EML1: variants seen among roughly 807,000 people sequenced by gnomAD.
The protein encoded by EML1 is echinoderm microtubule-associated protein-like 1.
Under a neutral mutation model 110.4 loss-of-function variants are expected in EML1, and 27 were observed. The ratio of observed to expected loss-of-function variants is 0.24; its 90% confidence interval spans 0.18 to 0.34. EML1 has a LOEUF of 0.34. EML1 is among the 10% of genes least tolerant of loss of function. The pLI is 1.00. For missense variants in EML1, 741 were observed against 1,030.9 expected (o/e 0.72, Z 3.85); for synonymous variants, 344 against 385.8 (o/e 0.89, Z 1.27).
chr14:99,917,920 A>G, intron 16 of EML1, 71 bp downstream of exon 16: 1 of 1,494,290 alleles, frequency 6.7e-7, no homozygotes, highest in African/African-American at 1.4e-5. Context: ...CTATTTCCCC[A>G]GGAACAGGCC....
rs966127668 is a variant in EML1, at chr14:99,941,304, ATTAAGATT to A, written c.*1195_*1202del. 2.0e-5 allele frequency: 3 copies of A among 152,252 alleles called. No individual in the cohort carries two copies. The highest frequency in any genetic ancestry group is 4.4e-5 in the Non-Finnish European group (3 of 68,036). 9.4% of individuals were successfully genotyped at this position (152,252 alleles called of 1,614,324 possible). ...GTAATAAACAGACTTTAAAGCAAATATTAAGATTTTTACTCATTCAAGGCAAGTAAATG... is the reference window on the plus strand; with the variant it reads ...GTAATAAACAGACTTTAAAGCAAATATTTACTCATTCAAGGCAAGTAAATG... On this transcript the variant is annotated 3_prime_UTR_variant, in exon 22 of 22. Coordinates refer to ENST00000262233, the MANE Select transcript of EML1 (RefSeq NM_004434.3).
chr14:99,917,691 G>A, intron 15 of EML1, 91 bp from the exon 16 acceptor site: 1 of 1,226,132 alleles, frequency 8.2e-7, no homozygotes, highest in African/African-American at 1.5e-5. Flanking sequence ...AGAAGTGTGA[G>A]CGTTTGTGTG....
At chr14:99,903,529 G>A (rs1229449152) in intron 9 of EML1, among the ~76,000 whole-genome samples, 7 of 152,114 alleles carry the variant, frequency 4.6e-5, no homozygotes, top group African/African-American at 1.7e-4. Flanking sequence ...TACTCCTGGA[G>A]CATACAATAA....
chr14:99,841,417 A>T (rs557605853), intron 1 of EML1, among the ~76,000 whole-genome samples: 8 of 152,312 alleles, frequency 5.3e-5, no homozygotes, highest in African/African-American at 1.9e-4. Context: ...ATACACGCTA[A>T]CATTCATCTT....
intron 1 of EML1, among the ~76,000 whole-genome samples, chr14:99,742,604 C>T (rs909484797): frequency 7.9e-5 from 12 of 152,016 alleles, no homozygotes; most frequent in African/African-American, 2.7e-4. Flanking sequence ...CTGATACTGC[C>T]GCCCCTATTA....
intron 4 of EML1, among the ~76,000 whole-genome samples, chr14:99,881,607 C>T (rs1261788834): frequency 1.4e-5 from 2 of 144,130 alleles, no homozygotes; most frequent in Admixed American, 6.9e-5. Flanking sequence ...TTTCTTTTTC[C>T]TTTTTTTTTT....
chr14:99,877,524 C>T (rs1352251406), intron 3 of EML1, among the ~76,000 whole-genome samples: 4 of 152,240 alleles, frequency 2.6e-5, no homozygotes, highest in South Asian at 4.1e-4. Flanking sequence ...TGATCTTTCC[C>T]GGAATTTCGC....
At position 99,897,125 on chromosome 14, in the gene EML1, T is replaced by C; in HGVS notation, c.678-20T>C. 1 of 1,510,562 alleles carries C rather than the reference T, an allele frequency of 6.6e-7. No homozygotes were observed. Among genetic ancestry groups the C allele is most frequent in the South Asian group, 1.3e-5 (1 of 75,288 alleles). 93.6% of individuals were successfully genotyped at this position (1,510,562 alleles called of 1,614,324 possible). On this transcript the variant is annotated intron_variant, in intron 6 of 21. Coordinates refer to ENST00000262233, the MANE Select transcript of EML1 (RefSeq NM_004434.3). ...TCAGCTCTTAAAGGGAAAAAAAATT[T>C]TATCTTGACATCCACAAAGCTATGG...
intron 1 of EML1, among the ~76,000 whole-genome samples, chr14:99,821,002 C>T (rs1425745023): frequency 1.3e-5 from 2 of 151,424 alleles, no homozygotes; most frequent in East Asian, 3.9e-4. Context: ...ATGGTTATTG[C>T]AGCAGGACTT....
At chr14:99,794,076 T>C (rs560371485) in intron 1 of EML1, among the ~76,000 whole-genome samples, 1 of 152,328 alleles carries the variant, frequency 6.6e-6, no homozygotes, top group Admixed American at 6.5e-5. Flanking sequence ...GCTTTTTAAA[T>C]GGAAAGCCAA....
chr14:99,784,611 G>GTTGACA lies in EML1; in HGVS notation c.-27+10602_-27+10607dup, dbSNP rs2057578955. Among the ~76,000 whole-genome samples the GTTGACA allele has an allele frequency of 6.6e-6, 1 of 152,236 alleles. No homozygotes were observed. Among genetic ancestry groups the GTTGACA allele is most frequent in the Admixed American group, 6.5e-5 (1 of 15,282 alleles). On this transcript the variant is annotated intron_variant, in intron 1 of 22. Transcript: ENST00000327921. The surrounding 1 kb of genome is among the most constrained non-coding windows in gnomAD (Gnocchi z 4.5). The stretch of plus-strand genomic sequence containing the variant: ...GGTCTGAAGTTCATGATTCTGCAGT[G>GTTGACA]TTGACATTGTGTAATAGGATAATGA...
intron 2 of EML1, among the ~76,000 whole-genome samples, chr14:99,852,705 T>C (rs553268202): frequency 1.1e-4 from 17 of 152,360 alleles, no homozygotes; most frequent in Middle Eastern, 6.8e-3. Flanking sequence ...GAGGGAGGAC[T>C]GTCTAAGGTT....
At chr14:99,897,613 C>G (rs536668521) in intron 7 of EML1, among the ~76,000 whole-genome samples, 1 of 152,172 alleles carries the variant, frequency 6.6e-6, no homozygotes, top group Admixed American at 6.5e-5. Context: ...GCCTCACCAA[C>G]GCATGAGCTT....
intron 20 of EML1, among the ~76,000 whole-genome samples, chr14:99,938,802 G>A (rs2060522188): frequency 6.6e-6 from 1 of 152,268 alleles, no homozygotes; most frequent in Non-Finnish European, 1.5e-5. Flanking sequence ...TAGAGTTACA[G>A]CAATAACAAG....
chr14:99,870,047 T>C (rs563484990), intron 3 of EML1, among the ~76,000 whole-genome samples: 3 of 152,342 alleles, frequency 2.0e-5, no homozygotes, highest in African/African-American at 7.2e-5. Context: ...CATGCAGGCC[T>C]GTTGTTCCAA....
Position 99,939,100 on chromosome 14 carries a change from A to G in EML1, c.2192-97A>G. On this transcript the variant is annotated intron_variant, in intron 20 of 21. Transcript: ENST00000262233. This position sits in a 1 kb window ranked among gnomAD's most constrained non-coding sequence, Gnocchi z 4.2. Reference sequence around the variant, plus strand: ...TTGTTTCTAAAGCTGGACTTCAGGCAGTTTCATGTTCAGGACCGTTCAGTG... The same window carrying G: ...TTGTTTCTAAAGCTGGACTTCAGGCGGTTTCATGTTCAGGACCGTTCAGTG... The G allele has an allele frequency of 1.3e-6, 2 of 1,513,214 alleles. No individual in the cohort carries two copies. The highest frequency in any genetic ancestry group is 1.8e-6 in the Non-Finnish European group (2 of 1,129,172). The allele number at this position is 1,513,214 out of a possible 1,614,324, so 93.7% of individuals were successfully genotyped here.
upstream of EML1, among the ~76,000 whole-genome samples, chr14:99,789,043 G>C (rs918494044): frequency 2.6e-5 from 4 of 151,986 alleles, no homozygotes; most frequent in African/African-American, 9.7e-5. Context: ...ACCACATTTT[G>C]TTTAACCATT....
intron 1 of EML1, among the ~76,000 whole-genome samples, chr14:99,749,628 G>A (rs1449593158): frequency 6.6e-6 from 1 of 152,166 alleles, no homozygotes; most frequent in Non-Finnish European, 1.5e-5. Flanking sequence ...TATGAGGGAG[G>A]GACATGGAGA....
chr14:99,874,909 T>G, intron 3 of EML1: 1 of 1,605,232 alleles, frequency 6.2e-7, no homozygotes, highest in Non-Finnish European at 8.5e-7. Flanking sequence ...TTCTGCTTTA[T>G]TTCTGTGCCT....
Sources: gnomAD v4.1 joint callset for allele counts (sites outside exome capture counted in the v4.1 genomes callset) on GRCh38, gnomAD v4.1.1 for gene constraint, Gnocchi (gnomAD v3.1) non-coding constraint, MANE v1.5 for transcripts, NCBI Gene and HGNC (gene_info 2026-07-23, HGNC 2026-07-21) for gene names.